Variants in IKZF2 observed in about 807,000 individuals in gnomAD.
IKZF2 encodes zinc finger protein Helios.
IKZF2 carries 15 observed loss-of-function variants against 49.2 expected under a neutral mutation model. The ratio of observed to expected loss-of-function variants is 0.30; its 90% CI spans 0.20 to 0.47. The LOEUF (loss-of-function observed/expected upper bound fraction) is 0.47, where lower values mean the gene tolerates loss of function less well. Ranked by LOEUF, IKZF2 falls within the 20% of genes least tolerant of loss-of-function variation. The probability of loss-of-function intolerance (pLI) is 1.00; values close to 1 mark genes in which losing one functional copy is unlikely to be tolerated. For synonymous variants in IKZF2, 227 were observed against 221.4 expected (o/e 1.03, Z -0.23); for missense variants, 567 against 664.6 (o/e 0.85, Z 1.61).
chr2:213,083,523 A>G (rs1423452415), intron 4 of IKZF2, among the ~76,000 whole-genome samples: 1 of 144,002 alleles, frequency 6.9e-6, no homozygotes, highest in Non-Finnish European at 1.5e-5. Flanking sequence ...AGCTGGGATT[A>G]CAGACATGCG....
intron 4 of IKZF2, among the ~76,000 whole-genome samples, chr2:213,062,310 C>T (rs1252489706): frequency 2.0e-5 from 3 of 151,634 alleles, no homozygotes; most frequent in East Asian, 3.9e-4. Flanking sequence ...TACTAATCTA[C>T]AAACAAGTTA....
At chr2:213,124,369 A>G (rs932141665) in intron 4 of IKZF2, among the ~76,000 whole-genome samples, 1 of 152,002 alleles carries the variant, frequency 6.6e-6, no homozygotes, top group African/African-American at 2.4e-5. Flanking sequence ...AAGAAGATCA[A>G]TCAGCTCTGT....
chr2:213,089,614 C>T (rs1472989248), intron 4 of IKZF2, among the ~76,000 whole-genome samples: 2 of 152,110 alleles, frequency 1.3e-5, no homozygotes, highest in African/African-American at 2.4e-5. Context: ...TGTAATAGAA[C>T]ATTTTTGGCT....
At chr2:213,090,007 C>T (rs1345643361) in intron 4 of IKZF2, among the ~76,000 whole-genome samples, 1 of 152,144 alleles carries the variant, frequency 6.6e-6, no homozygotes, top group Non-Finnish European at 1.5e-5. Flanking sequence ...TGGGGAGAGA[C>T]CTCCTGCCAA....
intron 4 of IKZF2, among the ~76,000 whole-genome samples, chr2:213,069,150 T>G (rs190967158): frequency 2.6e-4 from 39 of 152,152 alleles, no homozygotes; most frequent in African/African-American, 8.4e-4. Context: ...AAGAGGCAAA[T>G]TGCAGGTTTC....
At chr2:213,014,097 G>T in intron 7 of IKZF2, 163 bp from the exon 8 acceptor site, 1 of 567,276 alleles carries the variant, frequency 1.8e-6, no homozygotes, top group Non-Finnish European at 3.1e-6. Context: ...CTTTAAATTT[G>T]CACACACACA....
chr2:213,073,084 T>C (rs1159217314), intron 4 of IKZF2, among the ~76,000 whole-genome samples: 1 of 152,114 alleles, frequency 6.6e-6, no homozygotes, highest in Non-Finnish European at 1.5e-5. Flanking sequence ...GATGTAAATA[T>C]TTTACTTAAA....
chr2:213,093,666 G>C (rs765910735), intron 4 of IKZF2, among the ~76,000 whole-genome samples: 3 of 152,140 alleles, frequency 2.0e-5, no homozygotes, highest in Non-Finnish European at 2.9e-5. Context: ...CACTGCTGTA[G>C]AGCAAGCTTA....
At chr2:213,038,052 GTTTTC>G (rs1216700295) in intron 6 of IKZF2, among the ~76,000 whole-genome samples, 20 of 149,100 alleles carry the variant, frequency 1.3e-4, no homozygotes, top group East Asian at 9.8e-4. Context: ...GTTTTGTTTT[GTTTTC>G]TTTTCTTTTC....
chr2:213,134,052 G>T (rs1279452215), intron 4 of IKZF2, among the ~76,000 whole-genome samples: 1 of 152,130 alleles, frequency 6.6e-6, no homozygotes, highest in Non-Finnish European at 1.5e-5. Flanking sequence ...TATTAAAGCA[G>T]ATTAATTTTT....
At chr2:213,144,210 C>T (rs1385447142) in intron 4 of IKZF2, among the ~76,000 whole-genome samples, 1 of 151,944 alleles carries the variant, frequency 6.6e-6, no homozygotes, top group Admixed American at 6.6e-5. Flanking sequence ...CGATTCCATA[C>T]ATGCCACCTG....
intron 4 of IKZF2, among the ~76,000 whole-genome samples, chr2:213,091,696 G>A (rs1417820405): frequency 6.6e-6 from 1 of 152,088 alleles, no homozygotes; most frequent in Non-Finnish European, 1.5e-5. Flanking sequence ...GAAAGATGTG[G>A]GATCAAAGTA....
chr2:213,101,160 T>C (rs1373793329), intron 4 of IKZF2, among the ~76,000 whole-genome samples: 1 of 152,024 alleles, frequency 6.6e-6, no homozygotes, highest in Non-Finnish European at 1.5e-5. Context: ...TTCTTATGTC[T>C]ATAATGTTAA....
intron 4 of IKZF2, among the ~76,000 whole-genome samples, chr2:213,101,552 C>CA (rs68024878): frequency 0.77 from 115,446 of 150,296 alleles, 44,621 homozygotes; most frequent in Admixed American, 0.81. Flanking sequence ...TCTGAGATTA[C>CA]AAAAAAAAAA....
chr2:213,085,705 A>C (rs189925697), intron 4 of IKZF2, among the ~76,000 whole-genome samples: 28 of 152,306 alleles, frequency 1.8e-4, no homozygotes, highest in African/African-American at 5.8e-4. Context: ...AGAATGAAGG[A>C]GGCAACACGA....
intron 6 of IKZF2, among the ~76,000 whole-genome samples, chr2:213,030,304 G>C (rs1013534960): frequency 6.6e-6 from 1 of 151,570 alleles, no homozygotes; most frequent in South Asian, 2.1e-4. Context: ...ATGACTCTAG[G>C]TTTATTTTTT....
At chr2:213,107,484 A>C (rs920599761) in intron 4 of IKZF2, among the ~76,000 whole-genome samples, 1 of 152,148 alleles carries the variant, frequency 6.6e-6, no homozygotes, top group Admixed American at 6.5e-5. Flanking sequence ...AATTGTCTCT[A>C]AATGTTTTTC....
At chr2:213,031,762 A>T (rs779044999) in intron 6 of IKZF2, among the ~76,000 whole-genome samples, 6 of 152,224 alleles carry the variant, frequency 3.9e-5, no homozygotes, top group Non-Finnish European at 8.8e-5. Flanking sequence ...TAATAAAATA[A>T]TTAAACAATA....
intron 4 of IKZF2, among the ~76,000 whole-genome samples, chr2:213,107,933 C>T (rs1181389176): frequency 6.6e-6 from 1 of 152,026 alleles, no homozygotes; most frequent in Non-Finnish European, 1.5e-5. Context: ...TGCTACATCT[C>T]GAAAGCTATG....
Sources: gnomAD v4.1 joint callset for allele counts (sites outside exome capture counted in the v4.1 genomes callset) on GRCh38, gnomAD v4.1.1 for gene constraint, MANE v1.5 for transcripts, NCBI Gene and HGNC (gene_info 2026-07-23, HGNC 2026-07-21) for gene names.